CHN2: variants seen among roughly 807,000 people sequenced by gnomAD.
CHN2 encodes chimerin 2.
In CHN2, 35 loss-of-function variants were observed where a neutral mutation model predicts 56.3. That is an observed-to-expected ratio of 0.62 (90% confidence interval 0.47 to 0.82). The LOEUF (loss-of-function observed/expected upper bound fraction) is 0.82. CHN2 is among the 40% of genes least tolerant of loss of function. The pLI, the probability that CHN2 is intolerant of heterozygous loss-of-function variation, is 0.00. For synonymous variants in CHN2, 210 were observed against 212.8 expected, an observed-to-expected ratio of 0.99 and a Z score of 0.12; for missense variants, 491 against 580.5, an observed-to-expected ratio of 0.85 and a Z score of 1.58.
chr7:29,319,300 C>A (rs1795173589), intron 1 of CHN2, among the ~76,000 whole-genome samples: 1 of 152,142 alleles, frequency 6.6e-6, no homozygotes, highest in African/African-American at 2.4e-5. Flanking sequence ...AAAAATAACA[C>A]AGATCGCTTT....
At chr7:29,511,985 T>C (rs185590017) in intron 12 of CHN2, among the ~76,000 whole-genome samples, 2 of 152,162 alleles carry the variant, frequency 1.3e-5, no homozygotes, top group African/African-American at 4.8e-5. Flanking sequence ...CTAGAAATAA[T>C]GTCCAACTGC....
intron 1 of CHN2, among the ~76,000 whole-genome samples, chr7:29,245,210 T>C (rs1346671404): frequency 6.6e-6 from 1 of 152,248 alleles, no homozygotes; most frequent in Non-Finnish European, 1.5e-5. Context: ...CTGTGGATTT[T>C]TCAAGCGGTC....
At chr7:29,330,025 C>T (rs559240791) in intron 1 of CHN2, among the ~76,000 whole-genome samples, 1 of 152,264 alleles carries the variant, frequency 6.6e-6, no homozygotes, top group African/African-American at 2.4e-5. Context: ...ACTATAAACT[C>T]CTTGAAGGTA....
chr7:29,480,343 C>A lies in CHN2; in HGVS notation c.641C>A (p.Thr214Lys). 6.2e-7 allele frequency: 1 copy of A among 1,614,160 alleles called. No individual in the cohort carries two copies. The highest frequency in any genetic ancestry group is 1.3e-5 in the African/African-American group (1 of 75,044). Residue 214 changes from threonine to lysine, a missense_variant, in exon 7 of 13, where the codon ACA (threonine) becomes AAA (lysine). Thr to Lys is a moderately conservative substitution (Grantham distance 78). Coordinates refer to ENST00000222792, the MANE Select transcript of CHN2 (RefSeq NM_004067.4). ...GACAACCACTTCAATTATGAGAAGACACACAACTTTAAGGTAAGCAAGCCT... is the reference window on the plus strand; with the variant it reads ...GACAACCACTTCAATTATGAGAAGAAACACAACTTTAAGGTAAGCAAGCCT... ...HNDNHFNYEK[T>K]HNFKVHTFRG...
At chr7:29,215,545 G>A (rs1785272502) in intron 1 of CHN2, among the ~76,000 whole-genome samples, 1 of 152,102 alleles carries the variant, frequency 6.6e-6, no homozygotes, top group African/African-American at 2.4e-5. Context: ...GTTTCCTAAG[G>A]TGTTTTCTTC....
chr7:29,371,045 A>G (rs918081444), intron 3 of CHN2, among the ~76,000 whole-genome samples: 2 of 152,222 alleles, frequency 1.3e-5, no homozygotes, highest in Admixed American at 1.3e-4. Flanking sequence ...GGGTTGCTAT[A>G]AATGGCATAT....
chr7:29,304,834 A>ATT (rs1260160294), intron 1 of CHN2, among the ~76,000 whole-genome samples: 3 of 152,232 alleles, frequency 2.0e-5, no homozygotes, highest in African/African-American at 7.2e-5. Context: ...GGTTTAAATA[A>ATT]GTGTCGTCTG....
intron 1 of CHN2, among the ~76,000 whole-genome samples, chr7:29,209,429 G>A (rs1052215896): frequency 6.6e-6 from 1 of 152,122 alleles, no homozygotes; most frequent in African/African-American, 2.4e-5. Flanking sequence ...AAAATGTTCT[G>A]CTAACCTACT....
At chr7:29,492,928 G>A (rs989029147) in intron 7 of CHN2, among the ~76,000 whole-genome samples, 1 of 152,100 alleles carries the variant, frequency 6.6e-6, no homozygotes, top group African/African-American at 2.4e-5. Context: ...CACTTTGTTG[G>A]TTTTCTCTAA....
chr7:29,187,216 T>G (rs2128750013), intron 2 of CHN2, among the ~76,000 whole-genome samples: 1 of 152,282 alleles, frequency 6.6e-6, no homozygotes, highest in East Asian at 1.9e-4. Context: ...GCAGAGAGCT[T>G]AAGTAATCTG....
intron 1 of CHN2, among the ~76,000 whole-genome samples, chr7:29,259,296 C>T (rs1789345872): frequency 6.6e-6 from 1 of 151,266 alleles, no homozygotes; most frequent in African/African-American, 2.4e-5. Flanking sequence ...CACTGCCCTC[C>T]AGCCTGGGTG....
chr7:29,289,846 G>A (rs1018327253), intron 1 of CHN2, among the ~76,000 whole-genome samples: 6 of 152,146 alleles, frequency 3.9e-5, no homozygotes, highest in African/African-American at 1.4e-4. Context: ...GAGAACTGAA[G>A]CTTTCTCCCC....
At chr7:29,357,138 A>C (rs972479443) in intron 2 of CHN2, among the ~76,000 whole-genome samples, 2 of 152,228 alleles carry the variant, frequency 1.3e-5, no homozygotes, top group Non-Finnish European at 2.9e-5. Flanking sequence ...TATCAATTTT[A>C]ACCCTTCTGT....
chr7:29,425,227 A>T (rs913289890), intron 6 of CHN2, among the ~76,000 whole-genome samples: 7 of 152,172 alleles, frequency 4.6e-5, no homozygotes, highest in Admixed American at 4.6e-4. Context: ...ATGAAAGGAG[A>T]TGATGTAGAT....
chr7:29,450,449 CACAG>C (rs2128130276), intron 6 of CHN2, among the ~76,000 whole-genome samples: 1 of 152,286 alleles, frequency 6.6e-6, no homozygotes, highest in South Asian at 2.1e-4. Context: ...AAGGAGATTT[CACAG>C]ACAGTCACAG....
intron 2 of CHN2, among the ~76,000 whole-genome samples, chr7:29,366,472 C>G (rs947745939): frequency 1.3e-5 from 2 of 152,184 alleles, no homozygotes; most frequent in African/African-American, 4.8e-5. Flanking sequence ...ACAAGGTGAA[C>G]AGTAGGTGCC....
intron 6 of CHN2, among the ~76,000 whole-genome samples, chr7:29,454,971 A>T (rs538878641): frequency 6.6e-6 from 1 of 152,206 alleles, no homozygotes; most frequent in Non-Finnish European, 1.5e-5. Context: ...TTGATTTCTA[A>T]AAATCAATTT....
intron 2 of CHN2, among the ~76,000 whole-genome samples, chr7:29,154,959 A>G (rs1174290704): frequency 6.6e-6 from 1 of 152,220 alleles, no homozygotes; most frequent in Non-Finnish European, 1.5e-5. Flanking sequence ...GTGGAAGACA[A>G]GGAGGAGCAA....
intron 6 of CHN2, among the ~76,000 whole-genome samples, chr7:29,461,868 AT>A (rs1292060050): frequency 0.021 from 3,140 of 147,462 alleles, 108 homozygotes; most frequent in African/African-American, 0.08. Context: ...GGATGGATGG[AT>A]GGAAGGAAGA....
Sources: gnomAD v4.1 joint callset for allele counts (sites outside exome capture counted in the v4.1 genomes callset) on GRCh38, gnomAD v4.1.1 for gene constraint, MANE v1.5 for transcripts, NCBI Gene and HGNC (gene_info 2026-07-23, HGNC 2026-07-21) for gene names.